Variants in SPIN1 observed in about 807,000 individuals in gnomAD.
SPIN1 encodes the protein spindlin-1.
A neutral mutation model predicts 26.0 loss-of-function variants in SPIN1; 3 were observed. That is an observed-to-expected ratio of 0.12 (90% CI 0.05 to 0.30). The LOEUF (loss-of-function observed/expected upper bound fraction) is 0.30, where lower values mean the gene tolerates loss of function less well. Ranked by LOEUF, SPIN1 falls within the 10% of genes least tolerant of loss-of-function variation. The pLI is 1.00. For missense variants in SPIN1, 126 were observed against 333.4 expected, an observed-to-expected ratio of 0.38 and a Z score of 4.84; for synonymous variants, 101 against 116.5, an observed-to-expected ratio of 0.87 and a Z score of 0.86.
chr9:88,399,089 T>C (rs1054303075), intron 1 of SPIN1, among the ~76,000 whole-genome samples: 80 of 151,254 alleles, frequency 5.3e-4, no homozygotes, highest in African/African-American at 1.8e-3. Context: ...TGGAGTGCAG[T>C]GGCACAATCT....
chr9:88,417,620 G>A (rs913674676), intron 1 of SPIN1, among the ~76,000 whole-genome samples: 2 of 151,946 alleles, frequency 1.3e-5, no homozygotes, highest in East Asian at 1.9e-4. Context: ...CTACAGGCAC[G>A]TGCCACCATG....
At chr9:88,450,602 G>A (rs1828336161) in intron 3 of SPIN1, among the ~76,000 whole-genome samples, 1 of 152,206 alleles carries the variant, frequency 6.6e-6, no homozygotes, top group East Asian at 1.9e-4. Flanking sequence ...CCTAAAGTTC[G>A]TATACATAGT....
intron 1 of SPIN1, among the ~76,000 whole-genome samples, chr9:88,413,072 T>G (rs1025518955): frequency 6.8e-5 from 10 of 146,844 alleles, no homozygotes; most frequent in Non-Finnish European, 1.0e-4. Context: ...TAAGTTTTTT[T>G]TTTTTTTTTT....
intron 4 of SPIN1, among the ~76,000 whole-genome samples, chr9:88,468,158 A>G (rs1828708516): frequency 6.6e-6 from 1 of 152,168 alleles, no homozygotes; most frequent in African/African-American, 2.4e-5. Flanking sequence ...ACTTGGGACA[A>G]AATACTTCTA....
In SPIN1 at chr9:88,477,398, TC is replaced by T. The variant is rs1456013150; in HGVS notation, c.*2122del. The T allele has an allele frequency of 6.6e-6, 1 of 152,252 alleles. No individual in the cohort carries two copies. Among genetic ancestry groups the T allele is most frequent in the Non-Finnish European group, 1.5e-5 (1 of 68,048 alleles). 9.4% of individuals were successfully genotyped at this position (152,252 alleles called of 1,614,324 possible). On this transcript the variant is annotated 3_prime_UTR_variant, in exon 6 of 6. Transcript: ENST00000375859. ...ACTTAATGACTTGCATTGTGGTTTTTCTGCAAGCAACTTTAATGACTTTTTT... is the reference window on the plus strand; with the variant it reads ...ACTTAATGACTTGCATTGTGGTTTTTTGCAAGCAACTTTAATGACTTTTTT...
At chr9:88,434,294 A>G (rs1262789217) in intron 2 of SPIN1, among the ~76,000 whole-genome samples, 1 of 151,720 alleles carries the variant, frequency 6.6e-6, no homozygotes, top group Non-Finnish European at 1.5e-5. Flanking sequence ...AGAGTCAAAT[A>G]GAATAGTTTA....
intron 1 of SPIN1, among the ~76,000 whole-genome samples, chr9:88,399,968 G>A: frequency 6.6e-6 from 1 of 152,168 alleles, no homozygotes; most frequent in East Asian, 1.9e-4. Context: ...TTGGATTGGA[G>A]GCATATGGTC....
intron 1 of SPIN1, chr9:88,418,637 C>T (rs536821305): frequency 6.6e-6 from 1 of 152,302 alleles, no homozygotes; most frequent in African/African-American, 2.4e-5. Flanking sequence ...TGATATGACT[C>T]TGTTTCCTGA....
chr9:88,426,693 CTT>C, intron 2 of SPIN1, 102 bp downstream of exon 2: 1 of 1,028,786 alleles, frequency 9.7e-7, no homozygotes, highest in South Asian at 1.6e-5. Context: ...TAGTGAAAAA[CTT>C]TGTCATTTCT....
At chr9:88,440,397 G>A (rs778190894) in intron 2 of SPIN1, among the ~76,000 whole-genome samples, 10 of 152,232 alleles carry the variant, frequency 6.6e-5, no homozygotes, top group African/African-American at 1.9e-4. Context: ...GAGCTCAAGC[G>A]ATCCGTCCAC....
chr9:88,434,958 G>A (rs981995557), intron 2 of SPIN1, among the ~76,000 whole-genome samples: 4 of 151,630 alleles, frequency 2.6e-5, no homozygotes, highest in South Asian at 2.1e-4. Context: ...AGGCTGAGGC[G>A]GGAGAATTAT....
chr9:88,420,740 T>C (rs1366256070), intron 1 of SPIN1, among the ~76,000 whole-genome samples: 3 of 152,238 alleles, frequency 2.0e-5, no homozygotes, highest in Admixed American at 2.0e-4. Context: ...AGCCCTTTAG[T>C]CTTTTCCAAC....
At chr9:88,417,807 A>G (rs141999797) in intron 1 of SPIN1, among the ~76,000 whole-genome samples, 1 of 152,308 alleles carries the variant, frequency 6.6e-6, no homozygotes, top group Non-Finnish European at 1.5e-5. Context: ...CTGACACACT[A>G]GCTATAAATT....
chr9:88,393,997 A>G lies in SPIN1; in HGVS notation c.-159+5459A>G, dbSNP rs547888609. On this transcript the variant is annotated intron_variant, in intron 1 of 5. Coordinates refer to ENST00000375859, the MANE Select transcript of SPIN1 (RefSeq NM_006717.3). ...CAAGCAGCTGGGATTACAGGCGTGC[A>G]CCACCATGCCTGGCAAATTTTTTGT... Among the ~76,000 whole-genome samples the G allele has an allele frequency of 1.0e-3, 152 of 151,972 alleles. 1 individual carries two copies. Among genetic ancestry groups the G allele is most frequent in the African/African-American group, 3.5e-3 (144 of 41,458 alleles).
chr9:88,425,807 G>A (rs1827754366), intron 1 of SPIN1, among the ~76,000 whole-genome samples: 1 of 152,182 alleles, frequency 6.6e-6, no homozygotes, highest in Non-Finnish European at 1.5e-5. Flanking sequence ...GAGCAGAAAG[G>A]GAAACTCAGA....
chr9:88,449,766 CTCT>C (rs1828322348), intron 3 of SPIN1, among the ~76,000 whole-genome samples: 1 of 152,208 alleles, frequency 6.6e-6, no homozygotes, highest in African/African-American at 2.4e-5. Context: ...GATTGTGAGA[CTCT>C]TCTTAGTCAT....
intron 1 of SPIN1, among the ~76,000 whole-genome samples, chr9:88,390,216 A>G (rs1466761533): frequency 1.3e-5 from 2 of 152,218 alleles, no homozygotes; most frequent in Non-Finnish European, 2.9e-5. Context: ...GTGAAAATGG[A>G]TGTTCCCTGG....
rs1216102410 is a variant in SPIN1, at chr9:88,426,535, G to T, written c.-5G>T. On this transcript the variant is annotated 5_prime_UTR_variant, in exon 2 of 6. Transcript: ENST00000375859. The stretch of plus-strand genomic sequence containing the variant: ...CAGCTCCGCTGCTCACTTAAATACA[G>T]ATGAATGAAGACCCCATTCGGAAAG... 7.4e-6 allele frequency: 12 copies of T among 1,613,240 alleles called. No homozygotes were observed. Among genetic ancestry groups the T allele is most frequent in the Non-Finnish European group, 1.0e-5 (12 of 1,179,434 alleles).
At chr9:88,445,518 TTTATTATTA>T (rs138265190) in intron 2 of SPIN1, among the ~76,000 whole-genome samples, 1,438 of 134,592 alleles carry the variant, frequency 0.011, 12 homozygotes, top group African/African-American at 0.026. Flanking sequence ...TATTGAGACT[TTTATTATTA>T]TTATTATTAT....
Sources: gnomAD v4.1 joint callset for allele counts (sites outside exome capture counted in the v4.1 genomes callset) on GRCh38, gnomAD v4.1.1 for gene constraint, MANE v1.5 for transcripts, NCBI Gene and HGNC (gene_info 2026-07-23, HGNC 2026-07-21) for gene names.